Variants in ATRNL1 observed in about 807,000 individuals in gnomAD.
ATRNL1 encodes attractin like 1.
ATRNL1 carries 95 observed loss-of-function variants against 182.7 expected under a neutral mutation model. That is an observed-to-expected ratio of 0.52 (90% CI 0.44 to 0.62). The LOEUF is 0.62. ATRNL1 is among the 20% of genes least tolerant of loss of function. The pLI, the probability that ATRNL1 is intolerant of heterozygous loss-of-function variation, is 0.00. For synonymous variants in ATRNL1, 576 were observed against 568.3 expected (o/e 1.01, Z -0.19); for missense variants, 1,471 against 1,679.5 (o/e 0.88, Z 2.17).
chr10:115,414,436 T>C (rs1845291238), intron 20 of ATRNL1, among the ~76,000 whole-genome samples: 1 of 151,884 alleles, frequency 6.6e-6, no homozygotes, highest in South Asian at 2.1e-4. Context: ...AATATAGAGA[T>C]AGGATTCACT....
At chr10:115,229,765 C>T (rs1256893330) in intron 9 of ATRNL1, among the ~76,000 whole-genome samples, 1 of 152,042 alleles carries the variant, frequency 6.6e-6, no homozygotes, top group African/African-American at 2.4e-5. Context: ...AAGTACTTAT[C>T]TCTGTAGCTT....
intron 28 of ATRNL1, among the ~76,000 whole-genome samples, chr10:115,939,975 C>T (rs934794686): frequency 5.9e-5 from 9 of 152,166 alleles, no homozygotes; most frequent in African/African-American, 1.4e-4. Context: ...AGATCGCAAA[C>T]GACCTTTATG....
intron 21 of ATRNL1, among the ~76,000 whole-genome samples, chr10:115,443,303 CT>C (rs1201198175): frequency 6.6e-6 from 1 of 151,892 alleles, no homozygotes; most frequent in Admixed American, 6.6e-5. Flanking sequence ...ACACCTGTTT[CT>C]TTTGATTAGC....
intron 26 of ATRNL1, among the ~76,000 whole-genome samples, chr10:115,582,314 C>T (rs1336822742): frequency 2.3e-4 from 34 of 145,880 alleles, no homozygotes; most frequent in African/African-American, 5.5e-4. Flanking sequence ...CCTGAGGAAT[C>T]GCCACACTGA....
intron 26 of ATRNL1, among the ~76,000 whole-genome samples, chr10:115,671,889 A>G (rs1295792825): frequency 2.0e-5 from 3 of 152,092 alleles, no homozygotes; most frequent in Non-Finnish European, 4.4e-5. Context: ...TGGATATGAT[A>G]TTATCTTGAG....
intron 27 of ATRNL1, among the ~76,000 whole-genome samples, chr10:115,837,469 CA>C (rs1950703019): frequency 0.011 from 3 of 262 alleles, no homozygotes; most frequent in African/African-American, 0.016. Flanking sequence ...TCCCAAGCCA[CA>C]CACACACACA....
At chr10:115,658,696 C>T (rs2133898240) in intron 26 of ATRNL1, among the ~76,000 whole-genome samples, 1 of 152,232 alleles carries the variant, frequency 6.6e-6, no homozygotes, top group Admixed American at 6.5e-5. Flanking sequence ...ATTCCCTCTG[C>T]CTCTTCCCTG....
chr10:115,548,316 A>G (rs1435341117), intron 25 of ATRNL1, among the ~76,000 whole-genome samples: 1 of 152,244 alleles, frequency 6.6e-6, no homozygotes, highest in African/African-American at 2.4e-5. Context: ...TCATTGAAGG[A>G]TATTCTAAGG....
intron 26 of ATRNL1, among the ~76,000 whole-genome samples, chr10:115,599,155 G>A (rs1555015170): frequency 6.6e-6 from 1 of 152,188 alleles, no homozygotes; most frequent in African/African-American, 2.4e-5. Context: ...AAGCTATCAG[G>A]CTCACAGTGT....
At chr10:115,713,391 A>G (rs1477417060) in intron 26 of ATRNL1, among the ~76,000 whole-genome samples, 1 of 151,930 alleles carries the variant, frequency 6.6e-6, no homozygotes, top group East Asian at 1.9e-4. Flanking sequence ...GTAGCATATT[A>G]GATGATAGAG....
intron 28 of ATRNL1, among the ~76,000 whole-genome samples, chr10:115,855,093 G>A (rs1001309776): frequency 6.6e-6 from 1 of 152,118 alleles, no homozygotes; most frequent in African/African-American, 2.4e-5. Flanking sequence ...GGCTACATGG[G>A]GGTCCTTGGA....
At chr10:115,360,108 T>A (rs1856670975) in intron 19 of ATRNL1, among the ~76,000 whole-genome samples, 1 of 151,560 alleles carries the variant, frequency 6.6e-6, no homozygotes, top group East Asian at 1.9e-4. Flanking sequence ...AATGGAATAA[T>A]CGTTTATTTC....
At chr10:115,358,269 A>G (rs1856590793) in intron 19 of ATRNL1, among the ~76,000 whole-genome samples, 1 of 151,728 alleles carries the variant, frequency 6.6e-6, no homozygotes, top group Non-Finnish European at 1.5e-5. Context: ...TCCTAAAATC[A>G]TTCAAAAAAC....
intron 26 of ATRNL1, among the ~76,000 whole-genome samples, chr10:115,720,213 G>A (rs1947380688): frequency 6.6e-6 from 1 of 152,118 alleles, no homozygotes; most frequent in South Asian, 2.1e-4. Context: ...CAAATGGACA[G>A]ATGTCAGGCA....
At chr10:115,814,486 A>G (rs1472120662) in intron 27 of ATRNL1, among the ~76,000 whole-genome samples, 1 of 152,210 alleles carries the variant, frequency 6.6e-6, no homozygotes. Context: ...TTAAATTTTG[A>G]AAATAAATTT....
chr10:115,140,014 G>A (rs1845693058), intron 5 of ATRNL1, among the ~76,000 whole-genome samples: 1 of 152,134 alleles, frequency 6.6e-6, no homozygotes, highest in Non-Finnish European at 1.5e-5. Flanking sequence ...GTTTGAGTAG[G>A]ATATTCCTGT....
Position 115,856,428 on chromosome 10 carries a change from C to CAAAAAAAAAAAAAAAAAAAAAA in ATRNL1, c.4018+8438_4018+8459dup, listed in dbSNP as rs572743389. Among the ~76,000 whole-genome samples, 205 of 22,536 alleles carry CAAAAAAAAAAAAAAAAAAAAAA rather than the reference C, an allele frequency of 9.1e-3. 82 individuals are homozygous for CAAAAAAAAAAAAAAAAAAAAAA. Among genetic ancestry groups the CAAAAAAAAAAAAAAAAAAAAAA allele is most frequent in the Non-Finnish European group, 0.013 (158 of 12,136 alleles). 14.8% of individuals were successfully genotyped at this position (22,536 alleles called of 152,430 possible). A position where few individuals can be genotyped will look rare whatever the true frequency, so the allele number is the denominator to read the frequency against. Reference sequence around the variant, plus strand: ...GGGCAACAAGAGCGAAGCTCCATCTCAAAAAAAAAAAAAAAAAAAAAAGCC... The same window carrying CAAAAAAAAAAAAAAAAAAAAAA: ...GGGCAACAAGAGCGAAGCTCCATCTCAAAAAAAAAAAAAAAAAAAAAAAAAAAAAAAAAAAAAAAAAAAAGCC... On this transcript the variant is annotated intron_variant, in intron 28 of 28. Transcript: ENST00000355044.
intron 10 of ATRNL1, among the ~76,000 whole-genome samples, chr10:115,254,580 G>C (rs1385217479): frequency 6.6e-6 from 1 of 152,062 alleles, no homozygotes; most frequent in Non-Finnish European, 1.5e-5. Flanking sequence ...CTCCCATTCT[G>C]TAGGTTGCCT....
intron 19 of ATRNL1, among the ~76,000 whole-genome samples, chr10:115,374,791 C>T (rs559930916): frequency 2.0e-5 from 3 of 151,876 alleles, no homozygotes; most frequent in South Asian, 4.1e-4. Context: ...AATTTTTCCT[C>T]CTGTTACTGA....
Sources: gnomAD v4.1 joint callset for allele counts (sites outside exome capture counted in the v4.1 genomes callset) on GRCh38, gnomAD v4.1.1 for gene constraint, MANE v1.5 for transcripts, NCBI Gene and HGNC (gene_info 2026-07-23, HGNC 2026-07-21) for gene names.